Variants in MCM8 observed in about 807,000 individuals in gnomAD.
The protein encoded by MCM8 is DNA helicase MCM8.
MCM8 carries 85 observed loss-of-function variants against 98.9 expected under a neutral mutation model. That is an observed-to-expected ratio of 0.86 (90% CI 0.72 to 1.03). The LOEUF (loss-of-function observed/expected upper bound fraction) is 1.03. MCM8 is among the 50% of genes least tolerant of loss of function. The pLI is 0.00. For synonymous variants in MCM8, 352 were observed against 338.6 expected (o/e 1.04, Z -0.44); for missense variants, 951 against 997.8 (o/e 0.95, Z 0.63).
In MCM8 at chr20:5,950,652, C is replaced by T. The variant is rs761418425; in HGVS notation, c.-377C>T. ...CCCCGCCCCTCTCGTCTTGCCGCTT[C>T]TTTGAGCGGAAGTTGGATCACTGAA... On this transcript the variant is annotated 5_prime_UTR_variant, in exon 1 of 19. Coordinates refer to ENST00000610722, the MANE Select transcript of MCM8 (RefSeq NM_032485.6). The T allele has an allele frequency of 2.5e-6, 1 of 405,210 alleles. No individual in the cohort carries two copies. Among genetic ancestry groups the T allele is most frequent in the Admixed American group, 4.4e-5 (1 of 22,782 alleles). 25.1% of individuals were successfully genotyped at this position (405,210 alleles called of 1,614,324 possible). A position where few individuals can be genotyped will look rare whatever the true frequency, so the allele number is the denominator to read the frequency against.
chr20:5,974,136 C>A (rs562266795), intron 12 of MCM8, among the ~76,000 whole-genome samples: 1 of 152,176 alleles, frequency 6.6e-6, no homozygotes, highest in Non-Finnish European at 1.5e-5. Flanking sequence ...AATGTGCTTT[C>A]TACTTTATTT....
intron 12 of MCM8, among the ~76,000 whole-genome samples, chr20:5,976,773 G>A (rs1396527528): frequency 6.6e-6 from 1 of 152,110 alleles, no homozygotes; most frequent in Admixed American, 6.5e-5. Flanking sequence ...GTTTACAAGT[G>A]AAGAAGCTAA....
chr20:5,995,596 C>T lies in MCM8; in HGVS notation c.*1205C>T, dbSNP rs1276761589. The T allele has an allele frequency of 1.3e-5, 2 of 152,206 alleles. No individual in the cohort carries two copies. The highest frequency in any genetic ancestry group is 2.9e-5 in the Non-Finnish European group (2 of 68,030). The allele number at this position is 152,206 out of a possible 1,614,324, so 9.4% of individuals were successfully genotyped here. ...CTGAATTCAAAAAAGAAGTTGCATACAAAGACATCTGATTGAAAAAGGGTA... is the reference window on the plus strand; with the variant it reads ...CTGAATTCAAAAAAGAAGTTGCATATAAAGACATCTGATTGAAAAAGGGTA... On this transcript the variant is annotated 3_prime_UTR_variant, in exon 19 of 19. Coordinates refer to ENST00000610722, the MANE Select transcript of MCM8 (RefSeq NM_032485.6).
intron 6 of MCM8, 105 bp downstream of exon 6, chr20:5,957,334 C>T (rs1038517614): frequency 5.6e-6 from 4 of 709,728 alleles, no homozygotes; most frequent in Non-Finnish European, 6.9e-6. Context: ...GTAAAAAGGA[C>T]ATGAGTTCCT....
rs779520604 is a variant in MCM8, at chr20:5,982,952, A to T, written c.1538-18A>T. ...AAAGAAAAAATGTTTTTTCTGCTTT[A>T]TTCTACTTCGATTGTAGGTATTTGT... On this transcript the variant is annotated intron_variant, in intron 13 of 18. Transcript: ENST00000610722. The T allele has an allele frequency of 1.1e-5, 17 of 1,596,614 alleles. No homozygotes were observed. The highest frequency in any genetic ancestry group is 1.3e-5 in the Non-Finnish European group (15 of 1,174,472).
chr20:5,971,839 A>G (rs1352129911), intron 10 of MCM8, among the ~76,000 whole-genome samples, 168 bp from the exon 11 acceptor site: 1 of 152,196 alleles, frequency 6.6e-6, no homozygotes, highest in African/African-American at 2.4e-5. Context: ...TAGATTAACC[A>G]AGAACTTTGA....
Position 5,958,411 on chromosome 20 carries a change from T to G in MCM8, c.591-117T>G, listed in dbSNP as rs2089043897. On this transcript the variant is annotated intron_variant, in intron 6 of 18. Transcript: ENST00000610722. ...AAGAATGGTTTAATTCTTGTGATAT[T>G]TCTGATATATCGAAGGGATGATTTG... The G allele has an allele frequency of 6.7e-6, 5 of 746,634 alleles. No homozygotes were observed. In the Admixed American group the frequency reaches 1.3e-4, roughly 19 times the overall value. The allele number at this position is 746,634 out of a possible 1,614,324, so 46.3% of individuals were successfully genotyped here.
In MCM8 at chr20:5,965,073, G is replaced by A. The variant is rs188916881; in HGVS notation, c.875+1714G>A. 97 of 152,194 alleles carry A rather than the reference G, an allele frequency of 6.4e-4. 1 individual carries two copies. The highest frequency in any genetic ancestry group is 2.2e-3 in the African/African-American group (92 of 41,550). 9.4% of individuals were successfully genotyped at this position (152,194 alleles called of 1,614,324 possible). ...TTCCGACATTACTTTAAATTGTCAA[G>A]GTTTACCTTTTGTCTTCTAATTATA... On this transcript the variant is annotated intron_variant, in intron 8 of 18. Transcript: ENST00000610722.
Position 5,994,632 on chromosome 20 carries a change from GCTCACACTGTAATCACAGTGA to G in MCM8, c.*246_*266del. On this transcript the variant is annotated 3_prime_UTR_variant, in exon 19 of 19. Transcript: ENST00000610722. ...AGTGATAAAGTCTCCAGATGCAGTA[GCTCACACTGTAATCACAGTGA>G]CTCAGGAGGCTGAGGTGAGAGGATT... 2.1e-6 allele frequency: 1 copy of G among 487,070 alleles called. No homozygotes were observed. The highest frequency in any genetic ancestry group is 3.7e-6 in the Non-Finnish European group (1 of 268,012). The allele number at this position is 487,070 out of a possible 1,614,324, so 30.2% of individuals were successfully genotyped here. A position where few individuals can be genotyped will look rare whatever the true frequency, so the allele number is the denominator to read the frequency against.
intron 8 of MCM8, 107 bp downstream of exon 8, chr20:5,963,466 T>C: frequency 1.6e-6 from 1 of 625,530 alleles, no homozygotes; most frequent in East Asian, 2.8e-5. Flanking sequence ...AATGACAAAG[T>C]GTATAATAGT....
chr20:5,969,466 C>G (rs1403865968), intron 10 of MCM8, among the ~76,000 whole-genome samples: 1 of 151,994 alleles, frequency 6.6e-6, no homozygotes. Flanking sequence ...ATGGCAGGTG[C>G]CTGTAATCCT....
rs2089968647 is a variant in MCM8 at position 5,997,164 on chromosome 20, GTTTCTTTTTTTTTCTTT to G, written c.*2787_*2803del. The stretch of plus-strand genomic sequence containing the variant: ...AGCAAGAAAACATTACATCATGAAA[GTTTCTTTTTTTTTCTTT>G]TTTCTTTTTTTTTTTTTTTTGAGAC... On this transcript the variant is annotated 3_prime_UTR_variant, in exon 19 of 19. Coordinates refer to ENST00000610722, the MANE Select transcript of MCM8 (RefSeq NM_032485.6). The G allele has an allele frequency of 6.5e-6, 1 of 154,230 alleles. No individual in the cohort carries two copies. The highest frequency in any genetic ancestry group is 1.4e-5 in the Non-Finnish European group (1 of 71,526). 9.6% of individuals were successfully genotyped at this position (154,230 alleles called of 1,614,324 possible).
rs1464292359 is a variant in MCM8, at chr20:5,955,271, A to G, written c.486+20A>G. On this transcript the variant is annotated intron_variant, in intron 5 of 18. Transcript: ENST00000610722. ...CATCAGGTAACTATTTGTCTTATGC[A>G]TACTTTTGTCTAAACTTTTTTAATG... 6 of 1,602,994 alleles carry G rather than the reference A, an allele frequency of 3.7e-6. No homozygotes were observed. The highest frequency in any genetic ancestry group is 4.3e-6 in the Non-Finnish European group (5 of 1,176,124).
At chr20:5,968,065 A>G (rs2089317120) in intron 10 of MCM8, 40 bp downstream of exon 10, 1 of 1,542,916 alleles carries the variant, frequency 6.5e-7, no homozygotes, top group Non-Finnish European at 8.8e-7. Context: ...ACATAGATGC[A>G]TGTTGGGGGT....
At chr20:5,984,422 G>A (rs1192704700) in intron 14 of MCM8, among the ~76,000 whole-genome samples, 1 of 152,140 alleles carries the variant, frequency 6.6e-6, no homozygotes, top group East Asian at 1.9e-4. Flanking sequence ...AAATCCAGCA[G>A]ACTTGGATTC....
At chr20:5,955,332 G>T in intron 5 of MCM8, 81 bp downstream of exon 5, 1 of 1,351,228 alleles carries the variant, frequency 7.4e-7, no homozygotes, top group Non-Finnish European at 1.0e-6. Flanking sequence ...TAAGTTTAAA[G>T]GAAGATTTTA....
At chr20:5,969,417 C>T (rs914718666) in intron 10 of MCM8, among the ~76,000 whole-genome samples, 4 of 151,964 alleles carry the variant, frequency 2.6e-5, no homozygotes, top group African/African-American at 9.7e-5. Flanking sequence ...TATGGTGAAA[C>T]CCTGTCTCTA....
chr20:5,953,515 C>T (rs2088888906), intron 3 of MCM8, among the ~76,000 whole-genome samples: 1 of 150,860 alleles, frequency 6.6e-6, no homozygotes, highest in Admixed American at 6.6e-5. Context: ...GCTCTGTTGC[C>T]CAGGCTGAAG....
chr20:5,952,856 T>C, intron 3 of MCM8, among the ~76,000 whole-genome samples: 1 of 152,238 alleles, frequency 6.6e-6, no homozygotes, highest in Non-Finnish European at 1.5e-5. Flanking sequence ...TCCTTATGGC[T>C]AAGAGACTAA....
Sources: gnomAD v4.1 joint callset for allele counts (sites outside exome capture counted in the v4.1 genomes callset) on GRCh38, gnomAD v4.1.1 for gene constraint, MANE v1.5 for transcripts, NCBI Gene and HGNC (gene_info 2026-07-23, HGNC 2026-07-21) for gene names.